The following UTRN variants were observed in gnomAD, a reference collection of about 807,000 sequenced individuals.
UTRN encodes utrophin.
Under a neutral mutation model 463.9 loss-of-function variants are expected in UTRN, and 283 were observed. The ratio of observed to expected loss-of-function variants is 0.61; its 90% CI spans 0.55 to 0.67. The LOEUF is 0.67. UTRN is among the 30% of genes least tolerant of loss of function. The pLI is 0.00. For synonymous variants in UTRN, 1,442 were observed against 1,431.5 expected (o/e 1.01, Z -0.17); for missense variants, 3,922 against 4,084.3 (o/e 0.96, Z 1.08).
At chr6:144,351,502 C>T (rs540211162) in intron 2 of UTRN, among the ~76,000 whole-genome samples, 6 of 152,264 alleles carry the variant, frequency 3.9e-5, no homozygotes, top group African/African-American at 1.4e-4. Context: ...AAATGGCCTG[C>T]AGTTGTGTGG....
At chr6:144,804,616 G>A (rs1047955013) in intron 65 of UTRN, among the ~76,000 whole-genome samples, 3 of 152,156 alleles carry the variant, frequency 2.0e-5, no homozygotes, top group South Asian at 2.1e-4. Context: ...AAATGACAAA[G>A]CATTGGTCAG....
intron 51 of UTRN, among the ~76,000 whole-genome samples, chr6:144,582,467 T>G (rs146567348): frequency 6.6e-6 from 1 of 152,094 alleles, no homozygotes; most frequent in Non-Finnish European, 1.5e-5. Context: ...CTCAAGTGTG[T>G]GTATATATAT....
intron 51 of UTRN, among the ~76,000 whole-genome samples, chr6:144,582,951 G>C (rs1802116141): frequency 6.6e-6 from 1 of 152,114 alleles, no homozygotes; most frequent in Admixed American, 6.6e-5. Flanking sequence ...AGGGTCTCCT[G>C]TTCACTAATT....
chr6:144,349,903 C>A (rs1777962170), intron 2 of UTRN, among the ~76,000 whole-genome samples: 1 of 152,172 alleles, frequency 6.6e-6, no homozygotes, highest in Non-Finnish European at 1.5e-5. Flanking sequence ...GCTCCTGCTC[C>A]AGTATTTTGA....
chr6:144,655,788 T>C (rs1176994393), intron 51 of UTRN, among the ~76,000 whole-genome samples: 1 of 152,268 alleles, frequency 6.6e-6, no homozygotes, highest in African/African-American at 2.4e-5. Flanking sequence ...AAGTTCTTAT[T>C]TGAGCTGTAA....
chr6:144,781,153 G>T (rs1372648478), intron 60 of UTRN, among the ~76,000 whole-genome samples: 3 of 152,204 alleles, frequency 2.0e-5, no homozygotes, highest in African/African-American at 7.2e-5. Flanking sequence ...TTGTACACAT[G>T]AAGAGTAAGG....
At position 144,285,455 on chromosome 6, in the gene UTRN, C is replaced by T. The variant is rs1803586822; in HGVS notation, c.-459C>T. ...TGGGGAATCACGGGGAGCGGCGCCC[C>T]CCTTCTTTTGGGTCATTTCTGCAAA... On this transcript the variant is annotated 5_prime_UTR_variant, in exon 1 of 75. Transcript: ENST00000367545. Among the ~76,000 whole-genome samples the T allele has an allele frequency of 6.6e-6, 1 of 152,206 alleles. No individual in the cohort carries two copies. The highest frequency in any genetic ancestry group is 1.9e-4 in the East Asian group (1 of 5,188).
intron 50 of UTRN, among the ~76,000 whole-genome samples, chr6:144,570,848 A>G (rs1424550085): frequency 1.3e-5 from 2 of 152,132 alleles, no homozygotes; most frequent in Non-Finnish European, 2.9e-5. Flanking sequence ...CTTGCTAGGT[A>G]TTTAAATATC....
intron 36 of UTRN, 24 bp from the exon 37 acceptor site, chr6:144,514,626 A>C: frequency 1.2e-6 from 2 of 1,609,192 alleles, no homozygotes; most frequent in Non-Finnish European, 8.5e-7. Context: ...CCCATGAGAT[A>C]ATTTTGTGTT....
At chr6:144,631,182 A>G (rs1419175934) in intron 51 of UTRN, among the ~76,000 whole-genome samples, 1 of 151,836 alleles carries the variant, frequency 6.6e-6, no homozygotes, top group Non-Finnish European at 1.5e-5. Flanking sequence ...TGAAGGTAAA[A>G]CCAAAAGAGA....
chr6:144,393,741 A>T (rs2114772800), intron 2 of UTRN, among the ~76,000 whole-genome samples: 1 of 152,246 alleles, frequency 6.6e-6, no homozygotes, highest in African/African-American at 2.4e-5. Flanking sequence ...AATGAAGAGG[A>T]GAGAAAGAGG....
chr6:144,499,608 A>C (rs1793992645), intron 34 of UTRN, among the ~76,000 whole-genome samples, 181 bp downstream of exon 34: 1 of 151,972 alleles, frequency 6.6e-6, no homozygotes, highest in Non-Finnish European at 1.5e-5. Context: ...ATTATATTTT[A>C]TTTTCTTTAT....
intron 65 of UTRN, among the ~76,000 whole-genome samples, chr6:144,806,444 A>G (rs1778154959): frequency 6.6e-6 from 1 of 152,200 alleles, no homozygotes. Flanking sequence ...CATCTGTATG[A>G]CAGGTCACTT....
intron 2 of UTRN, chr6:144,398,416 G>A: frequency 5.2e-6 from 2 of 383,376 alleles, no homozygotes; most frequent in South Asian, 2.4e-5. Context: ...TTGCATTAAT[G>A]CACACTCAAG....
chr6:144,540,195 C>T (rs565167028), intron 45 of UTRN, among the ~76,000 whole-genome samples: 47 of 151,714 alleles, frequency 3.1e-4, no homozygotes, highest in Non-Finnish European at 5.6e-4. Flanking sequence ...ACAAATACAA[C>T]TAATATCTTT....
chr6:144,554,723 C>T lies in UTRN; in HGVS notation c.6964C>T (p.His2322Tyr). The T allele has an allele frequency of 3.1e-6, 5 of 1,613,986 alleles. No homozygotes were observed. The highest frequency in any genetic ancestry group is 4.2e-6 in the Non-Finnish European group (5 of 1,179,954). ...RVKNQWDGTQ[H>Y]GVELRQQQLE... ...CAAGAACCAGTGGGATGGCACCCAG[C>T]ATGGCGTTGAGCTAAGACAGCAGCA... Residue 2322 changes from histidine (H) to tyrosine (Y), a missense_variant, in exon 49 of 75, where the codon CAT becomes TAT. By Grantham distance (83) the His-to-Tyr change is moderately conservative. Coordinates refer to ENST00000367545, the MANE Select transcript of UTRN (RefSeq NM_007124.3).
chr6:144,780,608 T>C (rs1775739460), intron 60 of UTRN, among the ~76,000 whole-genome samples: 1 of 152,236 alleles, frequency 6.6e-6, no homozygotes, highest in South Asian at 2.1e-4. Context: ...GCTTTGTCTC[T>C]TTGTTTTCAG....
intron 73 of UTRN, among the ~76,000 whole-genome samples, chr6:144,843,088 C>T (rs545700558): frequency 8.7e-4 from 132 of 152,098 alleles, no homozygotes; most frequent in African/African-American, 3.1e-3. Flanking sequence ...CTTTATGAGC[C>T]AGAATTAAAT....
chr6:144,622,249 C>A (rs112198967), intron 51 of UTRN, among the ~76,000 whole-genome samples: 3,813 of 123,456 alleles, frequency 0.031, 173 homozygotes, highest in African/African-American at 0.11. Flanking sequence ...AGTACACGAT[C>A]TTGGCTCACT....
Sources: gnomAD v4.1 joint callset for allele counts (sites outside exome capture counted in the v4.1 genomes callset) on GRCh38, gnomAD v4.1.1 for gene constraint, MANE v1.5 for transcripts, NCBI Gene and HGNC (gene_info 2026-07-23, HGNC 2026-07-21) for gene names.